KIFAP3: variants seen among roughly 807,000 people sequenced by gnomAD.
KIFAP3 encodes kinesin-associated protein 3.
A neutral mutation model predicts 106.5 loss-of-function variants in KIFAP3; 68 were observed. That is an observed-to-expected ratio of 0.64 (90% CI 0.53 to 0.78). KIFAP3 has a LOEUF of 0.78. Ranked by LOEUF, KIFAP3 falls within the 30% of genes least tolerant of loss-of-function variation. The probability of loss-of-function intolerance (pLI) is 0.00; values close to 1 mark genes in which losing one functional copy is unlikely to be tolerated. For missense variants in KIFAP3, 780 were observed against 941.8 expected, an observed-to-expected ratio of 0.83 and a Z score of 2.25; for synonymous variants, 320 against 311.5, an observed-to-expected ratio of 1.03 and a Z score of -0.29.
intron 1 of KIFAP3, chr1:170,068,979 TTA>T (rs1491267592): frequency 2.6e-5 from 4 of 152,132 alleles, no homozygotes; most frequent in African/African-American, 9.6e-5. Context: ...TGGAAAACTT[TTA>T]GTTAGACTGA....
At chr1:170,041,577 T>C (rs1344474771) in intron 3 of KIFAP3, 3 of 865,456 alleles carry the variant, frequency 3.5e-6, no homozygotes, top group Non-Finnish European at 5.4e-6. Flanking sequence ...GGTGACCTCT[T>C]AGCATTTCAG....
intron 9 of KIFAP3, among the ~76,000 whole-genome samples, chr1:170,018,863 C>T (rs1394012583): frequency 5.9e-5 from 9 of 152,078 alleles, no homozygotes; most frequent in Non-Finnish European, 1.3e-4. Context: ...ACTCCACAGC[C>T]ACACTGTAGT....
intron 16 of KIFAP3, 92 bp from the exon 17 acceptor site, chr1:169,972,690 T>A: frequency 1.7e-6 from 1 of 588,948 alleles, no homozygotes; most frequent in South Asian, 2.8e-5. Flanking sequence ...AAATCTAAAT[T>A]CTAAATGGAA....
At chr1:169,993,529 CA>C (rs67574151) in intron 10 of KIFAP3, among the ~76,000 whole-genome samples, 81,496 of 87,354 alleles carry the variant, frequency 0.93, 38,204 homozygotes, top group East Asian at 1. Context: ...CTCATTTAAT[CA>C]AAGATAGAAA....
chr1:169,955,628 A>G (rs1366982493), intron 18 of KIFAP3, among the ~76,000 whole-genome samples: 1 of 152,168 alleles, frequency 6.6e-6, no homozygotes, highest in Admixed American at 6.5e-5. Flanking sequence ...TTGTATTTCC[A>G]TAAGACTCTC....
In KIFAP3 at chr1:170,046,874, T is replaced by C. The variant is rs751959376; in HGVS notation, c.165-8A>G. ...AGACTCTTAAGTCGAATGCTGTAAG[T>C]ATAACAGAATTTTTCAACTCACGTA... On this transcript the variant is annotated splice_region_variant and splice_polypyrimidine_tract_variant and intron_variant, in intron 2 of 19. Transcript: ENST00000361580. The C allele has an allele frequency of 6.4e-7, 1 of 1,568,554 alleles. No homozygotes were observed. Among genetic ancestry groups the C allele is most frequent in the South Asian group, 1.2e-5 (1 of 82,396 alleles).
intron 19 of KIFAP3, among the ~76,000 whole-genome samples, chr1:169,952,001 G>C (rs1490263471): frequency 1.3e-5 from 2 of 151,960 alleles, no homozygotes; most frequent in South Asian, 2.1e-4. Context: ...ACCTGATAGA[G>C]TACAGTATTT....
intron 3 of KIFAP3, among the ~76,000 whole-genome samples, chr1:170,041,074 C>T (rs1004992084): frequency 8.5e-5 from 13 of 152,066 alleles, no homozygotes; most frequent in Admixed American, 1.3e-4. Context: ...CCGCCCGCCT[C>T]GGCCTCCCAA....
At chr1:169,939,511 G>A (rs1454651637) in intron 19 of KIFAP3, among the ~76,000 whole-genome samples, 7 of 152,198 alleles carry the variant, frequency 4.6e-5, no homozygotes, top group African/African-American at 1.4e-4. Context: ...ATGGTGCTGA[G>A]AGGACAAGTC....
intron 10 of KIFAP3, among the ~76,000 whole-genome samples, chr1:169,995,463 A>G (rs1667324423): frequency 6.6e-6 from 1 of 152,130 alleles, no homozygotes. Context: ...GATAAGTCCT[A>G]GTCTTACTTA....
intron 10 of KIFAP3, among the ~76,000 whole-genome samples, chr1:169,998,607 TC>T (rs1558232616): frequency 1.3e-5 from 2 of 151,656 alleles, no homozygotes; most frequent in Non-Finnish European, 1.5e-5. Context: ...TAAATTTAAT[TC>T]CCCCCCTTTT....
rs551358207 is a variant in KIFAP3, at chr1:170,012,170, T to C, written c.1183+4292A>G. 2.6e-5 allele frequency among the ~76,000 whole-genome samples: 4 copies of C among 152,106 alleles called. No homozygotes were observed. In the East Asian group the frequency reaches 7.7e-4, roughly 29 times the overall value. On this transcript the variant is annotated intron_variant, in intron 10 of 19. Transcript: ENST00000361580. ...AATAGATTATTATAGAAAAGAAAAA[T>C]TGCTGCTATAGAAATGCTGCTGGTA... is the stretch of plus-strand genomic sequence containing the variant.
intron 10 of KIFAP3, among the ~76,000 whole-genome samples, chr1:170,002,910 C>T (rs1235057531): frequency 6.6e-6 from 1 of 151,944 alleles, no homozygotes; most frequent in Non-Finnish European, 1.5e-5. Flanking sequence ...AGGAGGTATC[C>T]CAAGGCAGGG....
chr1:170,024,621 A>T (rs16862956), intron 8 of KIFAP3, 25 bp from the exon 9 acceptor site: 123,769 of 1,362,520 alleles, frequency 0.091, 6,026 homozygotes, highest in South Asian at 0.12. Context: ...TATATGAGAG[A>T]TAAAGAATTA....
intron 3 of KIFAP3, among the ~76,000 whole-genome samples, chr1:170,045,686 C>A (rs1352035580): frequency 6.6e-6 from 1 of 152,110 alleles, no homozygotes; most frequent in Non-Finnish European, 1.5e-5. Context: ...ACAATTTGAA[C>A]TAAACCTGAA....
Position 170,024,478 on chromosome 1 carries a change from T to A in KIFAP3, c.960A>T (p.Leu320=), listed in dbSNP as rs753781545. The A allele has an allele frequency of 1.8e-5, 29 of 1,603,626 alleles. No individual in the cohort carries two copies. In the Middle Eastern group the frequency reaches 1.2e-3, roughly 64 times the overall value. Residue 320 remains leucine, a synonymous_variant, in exon 9 of 20, where the codon CTA becomes CTT. Transcript: ENST00000361580. ...KALDRDNFEL[L]ILVVSFLKKL... is the part of the protein sequence containing the mutation. ...TCTTCAAGAATGACACAACTAAAAT[T>A]AGCAGCTCAAAATTGTCCCGATCAA...
chr1:169,949,830 C>T lies in KIFAP3; in HGVS notation c.2273+4181G>A, dbSNP rs188434908. On this transcript the variant is annotated intron_variant, in intron 19 of 19. Transcript: ENST00000361580. ...AGCTCTAAATGTTGGGAAATCCTGG[C>T]GCCAAGAGGTTCAAACTGATAGTGA... 3.9e-4 allele frequency among the ~76,000 whole-genome samples: 59 copies of T among 152,172 alleles called. 1 individual carries two copies. The South Asian group carries it at 9.5e-3, about 25-fold the overall frequency.
intron 19 of KIFAP3, among the ~76,000 whole-genome samples, chr1:169,926,581 T>C (rs961534498): frequency 3.3e-5 from 5 of 151,602 alleles, no homozygotes; most frequent in African/African-American, 9.7e-5. Flanking sequence ...TGTATATATG[T>C]GTATATATAT....
intron 1 of KIFAP3, among the ~76,000 whole-genome samples, chr1:170,056,693 C>T (rs531348125): frequency 5.3e-5 from 8 of 152,124 alleles, no homozygotes; most frequent in South Asian, 4.1e-4. Flanking sequence ...TAATTTTTTA[C>T]GGATCTGTCC....
Sources: allele counts gnomAD v4.1 joint callset (sites outside exome capture counted in the v4.1 genomes callset), GRCh38; gene constraint gnomAD v4.1.1; transcripts MANE v1.5; gene names NCBI Gene and HGNC (gene_info 2026-07-23, HGNC 2026-07-21).